Variants in SLC5A1 observed in about 807,000 individuals in gnomAD.
SLC5A1 encodes solute carrier family 5 member 1.
SLC5A1 carries 42 observed loss-of-function variants against 73.5 expected under a neutral mutation model. The ratio of observed to expected loss-of-function variants is 0.57; its 90% CI spans 0.45 to 0.74. The LOEUF (loss-of-function observed/expected upper bound fraction) is 0.74, where lower values mean the gene tolerates loss of function less well. Among genes scored for constraint, SLC5A1 ranks in the 30% least tolerant of loss-of-function variants. The probability of loss-of-function intolerance (pLI) is 0.00; values close to 1 mark genes in which losing one functional copy is unlikely to be tolerated. For synonymous variants in SLC5A1, 300 were observed against 317.4 expected (o/e 0.95, Z 0.58); for missense variants, 634 against 855.4 (o/e 0.74, Z 3.23).
chr22:32,077,276 C>T (rs1370696956), intron 5 of SLC5A1, among the ~76,000 whole-genome samples: 1 of 148,132 alleles, frequency 6.8e-6, no homozygotes, highest in African/African-American at 2.5e-5. Context: ...TCCTTTCTTT[C>T]TCTCTCCCTC....
chr22:32,068,251 C>T (rs2093977305), intron 4 of SLC5A1, among the ~76,000 whole-genome samples: 1 of 152,134 alleles, frequency 6.6e-6, no homozygotes, highest in South Asian at 2.1e-4. Flanking sequence ...TGCCCAGTGA[C>T]AGGTTTATTG....
intron 5 of SLC5A1, among the ~76,000 whole-genome samples, chr22:32,072,429 A>G (rs952986410): frequency 7.2e-5 from 11 of 152,258 alleles, no homozygotes; most frequent in African/African-American, 2.4e-4. Context: ...ATTACGGTGT[A>G]TATGTGCCAC....
chr22:32,097,601 C>G (rs375597467), intron 11 of SLC5A1, among the ~76,000 whole-genome samples: 2 of 152,076 alleles, frequency 1.3e-5, no homozygotes, highest in Non-Finnish European at 2.9e-5. Context: ...TTTATAAAAT[C>G]ATCTTGTGTA....
At chr22:32,107,101 A>C (rs375936396) in intron 14 of SLC5A1, among the ~76,000 whole-genome samples, 1 of 152,276 alleles carries the variant, frequency 6.6e-6, no homozygotes, top group East Asian at 1.9e-4. Context: ...TTGTGACTGC[A>C]AATACTGGAG....
chr22:32,068,774 A>G (rs997586286), intron 5 of SLC5A1, among the ~76,000 whole-genome samples, 174 bp downstream of exon 5: 2 of 152,146 alleles, frequency 1.3e-5, no homozygotes, highest in Middle Eastern at 3.4e-3. Flanking sequence ...ATGGAATTCA[A>G]TGGAAATCTG....
chr22:32,098,930 C>A (rs965348816), intron 11 of SLC5A1, among the ~76,000 whole-genome samples: 1 of 150,950 alleles, frequency 6.6e-6, no homozygotes, highest in African/African-American at 2.4e-5. Context: ...TAAAAAAATA[C>A]AAAAAATTAG....
chr22:32,058,387 T>C (rs1459028262), intron 2 of SLC5A1, among the ~76,000 whole-genome samples: 1 of 152,224 alleles, frequency 6.6e-6, no homozygotes, highest in East Asian at 1.9e-4. Context: ...CTATCATAAA[T>C]ATGAACTTGA....
chr22:32,068,998 A>T (rs1317691398), intron 5 of SLC5A1, among the ~76,000 whole-genome samples: 3 of 152,244 alleles, frequency 2.0e-5, no homozygotes, highest in African/African-American at 7.2e-5. Flanking sequence ...AATAGTGAAG[A>T]TATAGAATCA....
intron 5 of SLC5A1, among the ~76,000 whole-genome samples, chr22:32,070,025 T>C (rs130405): frequency 0.87 from 132,162 of 151,988 alleles, 57,643 homozygotes; most frequent in East Asian, 0.95. Flanking sequence ...TGTTTACTCT[T>C]TCTGAACCCA....
intron 3 of SLC5A1, among the ~76,000 whole-genome samples, chr22:32,067,481 C>T (rs866609953): frequency 1.3e-5 from 2 of 151,750 alleles, no homozygotes; most frequent in South Asian, 2.1e-4. Flanking sequence ...AAGCGATGTT[C>T]CCACCTCACT....
rs1603150017 is a variant in SLC5A1, at chr22:32,110,626, A to C, written c.*413A>C. ...ACTTTTCCTGTCCGTCCTCCTCCCC[A>C]TTTTTTTTTTAAAAGAAAGCTGTTT... On this transcript the variant is annotated 3_prime_UTR_variant, in exon 15 of 15. Coordinates refer to ENST00000266088, the MANE Select transcript of SLC5A1 (RefSeq NM_000343.4). 2 of 248,636 alleles carry C rather than the reference A, an allele frequency of 8.0e-6. No homozygotes were observed. The highest frequency in any genetic ancestry group is 5.4e-5 in the Admixed American group (1 of 18,604). The allele number at this position is 248,636 out of a possible 1,614,324, so 15.4% of individuals were successfully genotyped here.
At chr22:32,102,293 T>A in intron 13 of SLC5A1, 56 bp downstream of exon 13, 3 of 1,327,282 alleles carry the variant, frequency 2.3e-6, no homozygotes, top group Admixed American at 1.7e-5. Flanking sequence ...GCAATGTTCT[T>A]TAATTTTTTT....
rs1432367616 is a variant in SLC5A1, at chr22:32,099,493, A to G, written c.1449+142A>G. 6 of 862,692 alleles carry G rather than the reference A, an allele frequency of 7.0e-6. No homozygotes were observed. In the East Asian group the frequency reaches 1.3e-4, roughly 18 times the overall value. The allele number at this position is 862,692 out of a possible 1,614,324, so 53.4% of individuals were successfully genotyped here. ...TGTGCTGCTGAGGGTTTGTAGGGAA[A>G]GCCTCCAGGGACCATGGGGCTCTCT... is the stretch of plus-strand genomic sequence containing the variant. On this transcript the variant is annotated intron_variant, in intron 12 of 14. Transcript: ENST00000266088.
At chr22:32,066,721 T>G (rs59060739) in intron 2 of SLC5A1, among the ~76,000 whole-genome samples, 77 of 152,328 alleles carry the variant, frequency 5.1e-4, no homozygotes, top group African/African-American at 1.7e-3. Context: ...CTGCTCCTTC[T>G]CCAATCCTCT....
intron 5 of SLC5A1, among the ~76,000 whole-genome samples, chr22:32,079,314 T>C (rs1013724711): frequency 6.6e-5 from 10 of 152,328 alleles, no homozygotes; most frequent in Middle Eastern, 3.4e-3. Context: ...TCTCTGAAGT[T>C]AGAATGACTC....
rs140365243 is a variant in SLC5A1 at position 32,063,002 on chromosome 22, C to T, written c.208-3933C>T. On this transcript the variant is annotated intron_variant, in intron 2 of 14. Transcript: ENST00000266088. ...GAGGCCTCTCTTCCTGGCTTGTAGA[C>T]GGCTGCCTTTTTGCTGTGTCCTCAT... Among the ~76,000 whole-genome samples the T allele has an allele frequency of 1.1e-3, 167 of 152,270 alleles. No individual in the cohort carries two copies. The Middle Eastern group carries it at 0.017, about 16-fold the overall frequency.
chr22:32,091,476 A>T, intron 10 of SLC5A1, 136 bp from the exon 11 acceptor site: 1 of 971,316 alleles, frequency 1.0e-6, no homozygotes, highest in Non-Finnish European at 1.6e-6. Flanking sequence ...TAAAGCTTCT[A>T]GTCTTTTTGG....
rs944189677 is a variant in SLC5A1 at position 32,112,373 on chromosome 22, A to G, written c.*2160A>G. 1.3e-5 allele frequency: 2 copies of G among 152,094 alleles called. No homozygotes were observed. The highest frequency in any genetic ancestry group is 2.9e-5 in the Non-Finnish European group (2 of 68,034). The allele number at this position is 152,094 out of a possible 1,614,324, so 9.4% of individuals were successfully genotyped here. On this transcript the variant is annotated 3_prime_UTR_variant, in exon 15 of 15. Coordinates refer to ENST00000266088, the MANE Select transcript of SLC5A1 (RefSeq NM_000343.4). ...TGGCTGAGTCCCTAAAACTCTCTGA[A>G]CCTCAGGTTCCTCCAAGCATAATGC... is the stretch of plus-strand genomic sequence containing the variant.
chr22:32,072,804 C>A (rs1363596605), intron 5 of SLC5A1, among the ~76,000 whole-genome samples: 1 of 151,810 alleles, frequency 6.6e-6, no homozygotes, highest in Non-Finnish European at 1.5e-5. Context: ...GGTCTTCAGC[C>A]TACTACAGTT....
Sources: allele counts gnomAD v4.1 joint callset (sites outside exome capture counted in the v4.1 genomes callset), GRCh38; gene constraint gnomAD v4.1.1; transcripts MANE v1.5; gene names NCBI Gene and HGNC (gene_info 2026-07-23, HGNC 2026-07-21).